The following RBFOX1 variants were observed in gnomAD, a reference collection of about 807,000 sequenced individuals.
The protein encoded by RBFOX1 is RNA binding fox-1 homolog 1, also known as RNA binding protein fox-1 homolog 1.
RBFOX1 carries 8 observed loss-of-function variants against 57.7 expected under a neutral mutation model. The observed-to-expected ratio is 0.14, with a 90% confidence interval of 0.08 to 0.25. The LOEUF is 0.25. Among genes scored for constraint, RBFOX1 ranks in the 10% least tolerant of loss-of-function variants. The pLI is 1.00. For synonymous variants in RBFOX1, 326 were observed against 222.4 expected (o/e 1.47, Z -4.15); for missense variants, 611 against 548.5 (o/e 1.11, Z -1.14).
chr16:6,457,882 G>C lies in RBFOX1; in HGVS notation c.-64+140825G>C, dbSNP rs115485745. Among the ~76,000 whole-genome samples, 482 of 152,286 alleles carry C rather than the reference G, an allele frequency of 3.2e-3. 2 individuals carry two copies. The highest frequency in any genetic ancestry group is 0.011 in the African/African-American group (456 of 41,542). On this transcript the variant is annotated intron_variant, in intron 2 of 15. Transcript: ENST00000550418. ...CTATTAGTTTCTCCCCTGCAATTCA[G>C]TTTACAGATAGTTCTGGGGCAAAGT...
chr16:6,771,153 G>C (rs979087937), intron 3 of RBFOX1, among the ~76,000 whole-genome samples: 11 of 152,082 alleles, frequency 7.2e-5, no homozygotes, highest in Non-Finnish European at 1.5e-4. Context: ...CAACACAGAG[G>C]GGGAAGATGG....
intron 4 of RBFOX1, among the ~76,000 whole-genome samples, chr16:7,311,448 C>T (rs938042562): frequency 6.8e-6 from 1 of 148,146 alleles, no homozygotes; most frequent in East Asian, 2.0e-4. Flanking sequence ...TGAGTAAATG[C>T]ATAAAAGGTT....
At chr16:5,649,995 C>T (rs2049180921) in intron 3 of RBFOX1, among the ~76,000 whole-genome samples, 1 of 152,174 alleles carries the variant, frequency 6.6e-6, no homozygotes, top group African/African-American at 2.4e-5. Flanking sequence ...GAGGCAGAGT[C>T]GATGTTTTGC....
At chr16:5,429,581 G>A (rs1414434070) in intron 1 of RBFOX1, among the ~76,000 whole-genome samples, 1 of 152,148 alleles carries the variant, frequency 6.6e-6, no homozygotes. Flanking sequence ...AAGCTGGCTC[G>A]CAGGTGGAAT....
intron 4 of RBFOX1, among the ~76,000 whole-genome samples, chr16:7,330,515 TGTGTGTGTGTAG>T (rs1324116394): frequency 7.4e-5 from 9 of 122,404 alleles, no homozygotes; most frequent in Non-Finnish European, 8.3e-5. Context: ...TGTGTTTGTG[TGTGTGTGTGTAG>T]AGAGAGAGAG....
chr16:7,141,035 G>A (rs1422135963), intron 4 of RBFOX1, among the ~76,000 whole-genome samples: 3 of 152,150 alleles, frequency 2.0e-5, no homozygotes, highest in Admixed American at 2.0e-4. Flanking sequence ...GCAGAGCTCT[G>A]CCAGGAAGCC....
At chr16:5,686,161 T>C (rs538648965) in intron 3 of RBFOX1, among the ~76,000 whole-genome samples, 13 of 152,270 alleles carry the variant, frequency 8.5e-5, no homozygotes, top group African/African-American at 3.1e-4. Context: ...TTACTCAATG[T>C]ACCAAGCAAC....
intron 4 of RBFOX1, among the ~76,000 whole-genome samples, chr16:7,185,307 G>C (rs57585947): frequency 0.012 from 1,770 of 152,006 alleles, 41 homozygotes; most frequent in African/African-American, 0.04. Context: ...TGATTCTACT[G>C]TACCCTGGAG....
chr16:6,662,175 C>T (rs143436426), intron 3 of RBFOX1, among the ~76,000 whole-genome samples: 1 of 152,042 alleles, frequency 6.6e-6, no homozygotes, highest in African/African-American at 2.4e-5. Flanking sequence ...GGATACAAAC[C>T]CTCATCATCA....
intron 3 of RBFOX1, among the ~76,000 whole-genome samples, chr16:6,747,116 A>G (rs1032273219): frequency 4.5e-4 from 68 of 152,126 alleles, no homozygotes; most frequent in African/African-American, 1.6e-3. Flanking sequence ...TCCTTAAATT[A>G]TCTTACTGGT....
Position 6,859,145 on chromosome 16 carries a change from A to ATATATACG in RBFOX1, c.-15-192906_-15-192905insCGTATATA, listed in dbSNP as rs1567592600. 4.8e-4 allele frequency among the ~76,000 whole-genome samples: 42 copies of ATATATACG among 88,104 alleles called. 3 individuals are homozygous for ATATATACG. The highest frequency in any genetic ancestry group is 2.1e-3 in the African/African-American group (36 of 17,226). 57.8% of individuals were successfully genotyped at this position (88,104 alleles called of 152,430 possible). On this transcript the variant is annotated intron_variant, in intron 3 of 15. Transcript: ENST00000550418. ...TATATATATACATATATATACGTAT[A>ATATATACG]TATATATGTATATATATACGTATAT...
At chr16:6,504,201 G>A (rs1281048006) in intron 2 of RBFOX1, among the ~76,000 whole-genome samples, 2 of 152,192 alleles carry the variant, frequency 1.3e-5, no homozygotes, top group Non-Finnish European at 2.9e-5. Flanking sequence ...GTGCAAGCCT[G>A]CATGATAGAG....
chr16:7,310,368 C>A (rs1421327540), intron 4 of RBFOX1, among the ~76,000 whole-genome samples: 1 of 152,066 alleles, frequency 6.6e-6, no homozygotes, highest in African/African-American at 2.4e-5. Context: ...CATGCTATAG[C>A]CCTGATGGAT....
At chr16:6,801,290 G>A (rs1164928203) in intron 3 of RBFOX1, among the ~76,000 whole-genome samples, 2 of 151,654 alleles carry the variant, frequency 1.3e-5, no homozygotes, top group Non-Finnish European at 2.9e-5. Flanking sequence ...TTGTCCTTTA[G>A]AACATATAAA....
At chr16:6,381,780 C>T (rs2091842295) in intron 2 of RBFOX1, among the ~76,000 whole-genome samples, 1 of 152,198 alleles carries the variant, frequency 6.6e-6, no homozygotes. Flanking sequence ...TGGGTCTGCC[C>T]TGTGTCCCTC....
chr16:7,044,582 C>T (rs1045792748), intron 3 of RBFOX1, among the ~76,000 whole-genome samples: 4 of 152,148 alleles, frequency 2.6e-5, no homozygotes, highest in Admixed American at 1.3e-4. Context: ...CTTGGCAGCC[C>T]TTTCAAGAGT....
At chr16:5,548,355 G>A (rs749676041) in intron 2 of RBFOX1, among the ~76,000 whole-genome samples, 3 of 150,832 alleles carry the variant, frequency 2.0e-5, no homozygotes, top group Non-Finnish European at 4.4e-5. Flanking sequence ...ACAAACCTGC[G>A]CATGTACTCC....
intron 3 of RBFOX1, chr16:6,775,825 T>C (rs2079230449): frequency 6.6e-6 from 1 of 152,166 alleles, no homozygotes; most frequent in Admixed American, 6.6e-5. Context: ...GAAATCCATG[T>C]GTCTTATGAA....
intron 4 of RBFOX1, among the ~76,000 whole-genome samples, chr16:7,465,351 G>A (rs1010079796): frequency 2.0e-5 from 3 of 152,268 alleles, no homozygotes; most frequent in Non-Finnish European, 4.4e-5. Context: ...ATCTGTAGGC[G>A]CCATAAGGGC....
Sources: gnomAD v4.1 joint callset for allele counts (sites outside exome capture counted in the v4.1 genomes callset) on GRCh38, gnomAD v4.1.1 for gene constraint, MANE v1.5 for transcripts, NCBI Gene and HGNC (gene_info 2026-07-23, HGNC 2026-07-21) for gene names.